Variants in LRRC49 observed in about 807,000 individuals in gnomAD.
The protein encoded by LRRC49 is leucine-rich repeat-containing protein 49.
A neutral mutation model predicts 83.3 loss-of-function variants in LRRC49; 50 were observed. The observed-to-expected ratio is 0.60, with a 90% CI of 0.48 to 0.76. The LOEUF (loss-of-function observed/expected upper bound fraction) is 0.76. LRRC49 is among the 30% of genes least tolerant of loss of function. The probability of loss-of-function intolerance (pLI) is 0.00; values close to 1 mark genes in which losing one functional copy is unlikely to be tolerated. For synonymous variants in LRRC49, 286 were observed against 283.3 expected (o/e 1.01, Z -0.10); for missense variants, 704 against 809.1 (o/e 0.87, Z 1.58).
chr15:70,990,685 A>G (rs955526229), intron 11 of LRRC49, among the ~76,000 whole-genome samples: 2 of 152,214 alleles, frequency 1.3e-5, no homozygotes, highest in African/African-American at 2.4e-5. Flanking sequence ...AGATGAACCC[A>G]GTACCTCAGA....
chr15:70,888,447 G>A (rs1281654189), upstream of LRRC49, among the ~76,000 whole-genome samples: 1 of 152,138 alleles, frequency 6.6e-6, no homozygotes, highest in African/African-American at 2.4e-5. Flanking sequence ...AAGATGCTGA[G>A]TCAAATGGGT....
chr15:70,874,035 G>T (rs924102381), intron 2 of LRRC49, among the ~76,000 whole-genome samples: 6 of 152,206 alleles, frequency 3.9e-5, no homozygotes, highest in African/African-American at 1.4e-4. Context: ...GGTGTTGTTA[G>T]TAAACCAGTG....
chr15:70,892,573 G>A, upstream of LRRC49: 1 of 1,484,448 alleles, frequency 6.7e-7, no homozygotes, highest in Non-Finnish European at 8.9e-7. Context: ...GGAACGGACC[G>A]GAAGTGGTGG....
intron 8 of LRRC49, among the ~76,000 whole-genome samples, chr15:70,939,847 GT>G (rs1327080543): frequency 0.017 from 1,983 of 115,238 alleles, 18 homozygotes; most frequent in Middle Eastern, 0.055. Flanking sequence ...TTTAAACTAG[GT>G]TTTTTTTTTT....
chr15:70,892,880 G>C lies in LRRC49; in HGVS notation c.-15G>C, dbSNP rs546298583. 2.5e-6 allele frequency: 4 copies of C among 1,614,224 alleles called. No homozygotes were observed. Among genetic ancestry groups the C allele is most frequent in the South Asian group, 2.2e-5 (2 of 91,086 alleles). The stretch of plus-strand genomic sequence containing the variant: ...GGAAGGCAGATCTAACAGAGAACCT[G>C]GACTGTCTCCTATCATGATTCCCGG... On this transcript the variant is annotated 5_prime_UTR_variant, in exon 1 of 16. Coordinates refer to ENST00000260382, the MANE Select transcript of LRRC49 (RefSeq NM_017691.5).
At chr15:70,933,296 T>A (rs1402684084) in intron 7 of LRRC49, among the ~76,000 whole-genome samples, 1 of 152,150 alleles carries the variant, frequency 6.6e-6, no homozygotes, top group Admixed American at 6.5e-5. Context: ...TTTAAGATAA[T>A]GAGGAAATTA....
intron 2 of LRRC49, chr15:70,894,436 G>A (rs934430871): frequency 2.7e-5 from 9 of 338,370 alleles, no homozygotes; most frequent in East Asian, 8.0e-5. Context: ...TAGAAGTTAC[G>A]ATATGAATAT....
intron 8 of LRRC49, among the ~76,000 whole-genome samples, chr15:70,944,865 T>G (rs1174023324): frequency 6.6e-6 from 1 of 152,228 alleles, no homozygotes; most frequent in African/African-American, 2.4e-5. Flanking sequence ...TGGCTGTTCT[T>G]GGACTTCAGA....
chr15:70,913,265 G>C (rs757415395), intron 6 of LRRC49, among the ~76,000 whole-genome samples: 1 of 152,174 alleles, frequency 6.6e-6, no homozygotes, highest in Non-Finnish European at 1.5e-5. Context: ...CTTTCTAACA[G>C]CTGTTAGTTC....
intron 8 of LRRC49, among the ~76,000 whole-genome samples, chr15:70,959,135 A>T (rs1219477023): frequency 1.3e-5 from 2 of 152,250 alleles, no homozygotes; most frequent in African/African-American, 4.8e-5. Flanking sequence ...AATGACTCTA[A>T]TATAAATGAG....
At chr15:71,030,657 C>G (rs1188368637) in intron 14 of LRRC49, among the ~76,000 whole-genome samples, 1 of 152,118 alleles carries the variant, frequency 6.6e-6, no homozygotes, top group African/African-American at 2.4e-5. Flanking sequence ...GTACACCAAT[C>G]AATCGTAGGT....
At chr15:71,007,873 T>C (rs1018691808) in intron 11 of LRRC49, among the ~76,000 whole-genome samples, 4 of 151,400 alleles carry the variant, frequency 2.6e-5, no homozygotes, top group African/African-American at 9.7e-5. Context: ...CATTGAAGTA[T>C]CCAAAAGTAG....
chr15:70,950,779 CA>C (rs1306708931), intron 8 of LRRC49, among the ~76,000 whole-genome samples: 7 of 152,088 alleles, frequency 4.6e-5, no homozygotes, highest in African/African-American at 1.7e-4. Flanking sequence ...TCCTACTTGT[CA>C]ATTTTTTGTT....
chr15:70,930,846 C>T (rs1007063932), intron 7 of LRRC49, among the ~76,000 whole-genome samples: 2 of 152,208 alleles, frequency 1.3e-5, no homozygotes, highest in Non-Finnish European at 2.9e-5. Context: ...TCTGCAGCTT[C>T]CTTATCTCTC....
intron 14 of LRRC49, among the ~76,000 whole-genome samples, chr15:71,017,710 A>G (rs2038870320): frequency 6.6e-6 from 1 of 152,198 alleles, no homozygotes; most frequent in Admixed American, 6.5e-5. Flanking sequence ...AATAATATCA[A>G]TGACTTATTA....
At chr15:70,910,029 T>C (rs1674482486) in intron 5 of LRRC49, among the ~76,000 whole-genome samples, 1 of 152,006 alleles carries the variant, frequency 6.6e-6, no homozygotes, top group South Asian at 2.1e-4. Flanking sequence ...TCCGGAAGAA[T>C]GCTGATGATT....
At chr15:71,037,669 A>G (rs2141299226) in intron 15 of LRRC49, among the ~76,000 whole-genome samples, 1 of 152,286 alleles carries the variant, frequency 6.6e-6, no homozygotes, top group African/African-American at 2.4e-5. Context: ...GGCTTGCTGT[A>G]GGTACTTAGC....
intron 7 of LRRC49, among the ~76,000 whole-genome samples, chr15:70,931,191 T>C (rs2035393265): frequency 6.6e-6 from 1 of 152,092 alleles, no homozygotes; most frequent in African/African-American, 2.4e-5. Flanking sequence ...TTAGAGACCA[T>C]TGTAGGGGTT....
intron 8 of LRRC49, among the ~76,000 whole-genome samples, chr15:70,944,482 G>A (rs1023400733): frequency 7.2e-5 from 11 of 151,934 alleles, no homozygotes; most frequent in African/African-American, 1.5e-4. Flanking sequence ...TCCGTTCACC[G>A]CAACCTCCGC....
Sources: gnomAD v4.1 joint callset for allele counts (sites outside exome capture counted in the v4.1 genomes callset) on GRCh38, gnomAD v4.1.1 for gene constraint, MANE v1.5 for transcripts, NCBI Gene and HGNC (gene_info 2026-07-23, HGNC 2026-07-21) for gene names.